RYR3: variants seen among roughly 807,000 people sequenced by gnomAD.
The protein encoded by RYR3 is brain ryanodine receptor-calcium release channel.
RYR3 carries 207 observed loss-of-function variants against 584.3 expected under a neutral mutation model. The observed-to-expected ratio is 0.35, with a 90% CI of 0.32 to 0.40. The LOEUF (loss-of-function observed/expected upper bound fraction) is 0.40. Ranked by LOEUF, RYR3 falls within the 10% of genes least tolerant of loss-of-function variation. RYR3 has a pLI of 1.00. For synonymous variants in RYR3, 2,416 were observed against 2,248.5 expected (o/e 1.07, Z -2.11); for missense variants, 5,616 against 6,089.2 (o/e 0.92, Z 2.59).
intron 3 of RYR3, among the ~76,000 whole-genome samples, chr15:33,523,223 A>C (rs1447953429): frequency 6.6e-6 from 1 of 152,168 alleles, no homozygotes; most frequent in African/African-American, 2.4e-5. Flanking sequence ...GCAGGGCCAA[A>C]TAAGGGAATA....
rs775345538 is a variant in RYR3 at position 33,663,546 on chromosome 15, C to T, written c.5428C>T (p.Leu1810Phe). ...PESVKLQMCE[L>F]LSYLCDCELQ... ...AATACTTTCATTGCAGATGTGTGAG[C>T]TCCTCAGCTATCTCTGCGACTGTGA... The change falls in exon 36 of 104, where the codon CTC becomes TTC. Residue 1810 changes from leucine to phenylalanine, a missense_variant. Leu to Phe is a conservative substitution (Grantham distance 22). Around this residue, in one of 9 missense-constraint regions of RYR3, gnomAD observed 753 missense variants for 741.0 expected, o/e 1.02. Coordinates refer to ENST00000634891, the MANE Select transcript of RYR3 (RefSeq NM_001036.6). The T allele has an allele frequency of 8.1e-6, 13 of 1,613,462 alleles. No individual in the cohort carries two copies. Among genetic ancestry groups the T allele is most frequent in the Non-Finnish European group, 8.5e-7 (1 of 1,179,734 alleles).
chr15:33,427,865 G>T (rs1328320674), intron 1 of RYR3, among the ~76,000 whole-genome samples: 2 of 152,180 alleles, frequency 1.3e-5, no homozygotes, highest in African/African-American at 4.8e-5. Flanking sequence ...CTTATTTCTG[G>T]GTAGAAGCTC....
intron 67 of RYR3, among the ~76,000 whole-genome samples, chr15:33,791,167 G>A (rs1567178339): frequency 6.6e-6 from 1 of 152,226 alleles, no homozygotes; most frequent in Non-Finnish European, 1.5e-5. Flanking sequence ...AAGCAGAAAT[G>A]TGGCCAAGAG....
Position 33,748,142 on chromosome 15 carries a change from G to A in RYR3, c.8018G>A (p.Arg2673Gln), listed in dbSNP as rs946723341. 3.1e-6 allele frequency: 5 copies of A among 1,613,722 alleles called. No homozygotes were observed. Among genetic ancestry groups the A allele is most frequent in the African/African-American group, 1.3e-5 (1 of 74,924 alleles). Residue 2673 changes from arginine (R) to glutamine (Q), a missense_variant, in exon 54 of 104, where the codon CGA (arginine) becomes CAA (glutamine). Transcript: ENST00000634891. ...KEKEIYRWPA[R>Q]ESLKTMLAVG... The stretch of plus-strand genomic sequence containing the variant: ...AAGGAAATTTATCGCTGGCCTGCGC[G>A]AGAGTCCCTGAAAACCATGCTGGCT...
chr15:33,555,606 T>TA (rs1415692384), intron 10 of RYR3, among the ~76,000 whole-genome samples: 1 of 152,102 alleles, frequency 6.6e-6, no homozygotes, highest in Non-Finnish European at 1.5e-5. Flanking sequence ...ATATGTTTTG[T>TA]AAAAAATAGA....
At chr15:33,516,340 ACTT>A (rs2053518555) in intron 3 of RYR3, among the ~76,000 whole-genome samples, 1 of 146,240 alleles carries the variant, frequency 6.8e-6, no homozygotes, top group Non-Finnish European at 1.5e-5. Context: ...TGTAAGATCT[ACTT>A]TTTTTTTTTT....
At chr15:33,534,205 A>G (rs1225116071) in intron 5 of RYR3, among the ~76,000 whole-genome samples, 1 of 152,210 alleles carries the variant, frequency 6.6e-6, no homozygotes, top group Non-Finnish European at 1.5e-5. Flanking sequence ...GTTTGAGACT[A>G]GCTTGGCCGA....
chr15:33,349,497 G>A (rs1022216292), intron 1 of RYR3, among the ~76,000 whole-genome samples: 2 of 151,434 alleles, frequency 1.3e-5, no homozygotes, highest in Admixed American at 1.3e-4. Context: ...GTATCTCATT[G>A]TTTTAATTTG....
chr15:33,615,264 A>G (rs2060393737), intron 19 of RYR3, among the ~76,000 whole-genome samples: 1 of 152,220 alleles, frequency 6.6e-6, no homozygotes, highest in African/African-American at 2.4e-5. Context: ...AAACCATTTC[A>G]GGGATCCAGG....
chr15:33,679,380 A>G (rs1438062274), intron 38 of RYR3, among the ~76,000 whole-genome samples: 1 of 152,190 alleles, frequency 6.6e-6, no homozygotes, highest in Non-Finnish European at 1.5e-5. Context: ...TGGAATTTTG[A>G]GATTTTATTT....
intron 30 of RYR3, among the ~76,000 whole-genome samples, chr15:33,647,766 G>A (rs888533588): frequency 6.6e-6 from 1 of 152,100 alleles, no homozygotes; most frequent in Non-Finnish European, 1.5e-5. Flanking sequence ...TCAGTTGGAG[G>A]GCGCTCAATT....
chr15:33,612,638 G>A (rs1486614639), intron 18 of RYR3, among the ~76,000 whole-genome samples: 1 of 152,252 alleles, frequency 6.6e-6, no homozygotes. Context: ...GGGATTACAG[G>A]CGTGAGCCAC....
chr15:33,419,360 C>T (rs992644318), intron 1 of RYR3, among the ~76,000 whole-genome samples: 4 of 152,074 alleles, frequency 2.6e-5, no homozygotes, highest in Admixed American at 6.6e-5. Context: ...AGTTGACTTT[C>T]GGGAAGGGAT....
intron 19 of RYR3, among the ~76,000 whole-genome samples, chr15:33,622,796 A>C (rs2060793312): frequency 6.6e-6 from 1 of 152,196 alleles, no homozygotes; most frequent in African/African-American, 2.4e-5. Context: ...CATCAATTTA[A>C]TGTGGTTGCA....
rs189400814 is a variant in RYR3, at chr15:33,854,746, C to T, written c.13861-20C>T. Reference sequence around the variant, plus strand: ...CTATGAGGCAAACATGCTTAAAAGTCTGCTTTCTTCCATTCCCAGTCCTTT... The same window carrying T: ...CTATGAGGCAAACATGCTTAAAAGTTTGCTTTCTTCCATTCCCAGTCCTTT... On this transcript the variant is annotated intron_variant, in intron 97 of 103. Coordinates refer to ENST00000634891, the MANE Select transcript of RYR3 (RefSeq NM_001036.6). The T allele has an allele frequency of 1.6e-4, 261 of 1,583,838 alleles. No individual in the cohort carries two copies. Among genetic ancestry groups the T allele is most frequent in the Middle Eastern group, 1.2e-3 (7 of 5,902 alleles).
In RYR3 at chr15:33,652,704, G is replaced by T. The variant is rs1217228103; in HGVS notation, c.4143-14G>T. Reference sequence around the variant, plus strand: ...CAGTCCAGATTCTGTGCCTTTTCCTGTCTTGGCTCCTAGTGTGAAACGCAG... The same window carrying T: ...CAGTCCAGATTCTGTGCCTTTTCCTTTCTTGGCTCCTAGTGTGAAACGCAG... On this transcript the variant is annotated splice_polypyrimidine_tract_variant and intron_variant, in intron 31 of 103. Coordinates refer to ENST00000634891, the MANE Select transcript of RYR3 (RefSeq NM_001036.6). The T allele has an allele frequency of 6.2e-7, 1 of 1,611,992 alleles. No individual in the cohort carries two copies. Among genetic ancestry groups the T allele is most frequent in the Admixed American group, 1.7e-5 (1 of 59,702 alleles).
chr15:33,684,589 A>G (rs2064858666), intron 38 of RYR3, among the ~76,000 whole-genome samples: 1 of 152,214 alleles, frequency 6.6e-6, no homozygotes, highest in African/African-American at 2.4e-5. Context: ...CAAATTCAGG[A>G]AATACAGAGA....
rs1596726855 is a variant in RYR3, at chr15:33,810,657, G to A, written c.10197+8G>A. Reference sequence around the variant, plus strand: ...AAATCGCGATACAGCCATGTAAGCTGCCCGTCTGCCTGGGCTGAGTGTGTG... The same window carrying A: ...AAATCGCGATACAGCCATGTAAGCTACCCGTCTGCCTGGGCTGAGTGTGTG... On this transcript the variant is annotated splice_region_variant and intron_variant, in intron 71 of 103. Transcript: ENST00000634891. 2 of 1,613,980 alleles carry A rather than the reference G, an allele frequency of 1.2e-6. No homozygotes were observed. Among genetic ancestry groups the A allele is most frequent in the South Asian group, 2.2e-5 (2 of 91,076 alleles).
At chr15:33,448,739 T>G (rs546497242) in intron 1 of RYR3, among the ~76,000 whole-genome samples, 46 of 152,198 alleles carry the variant, frequency 3.0e-4, no homozygotes, top group Middle Eastern at 3.4e-3. Flanking sequence ...AGTAAGAGAA[T>G]TATGGTTTTG....
Sources: allele counts gnomAD v4.1 joint callset (sites outside exome capture counted in the v4.1 genomes callset), GRCh38; gene constraint gnomAD v4.1.1; regional missense constraint gnomAD v4.1.1; transcripts MANE v1.5; gene names NCBI Gene and HGNC (gene_info 2026-07-23, HGNC 2026-07-21).